The following NKAIN3 variants were observed in gnomAD, a reference collection of about 807,000 sequenced individuals.
NKAIN3 encodes sodium/potassium transporting ATPase interacting 3.
In NKAIN3, 25 loss-of-function variants were observed where a neutral mutation model predicts 30.2. The ratio of observed to expected loss-of-function variants is 0.83; its 90% CI spans 0.60 to 1.16. The LOEUF (loss-of-function observed/expected upper bound fraction) is 1.16. Among genes scored for constraint, NKAIN3 ranks in the 50% most tolerant of loss-of-function variants. The probability of loss-of-function intolerance (pLI) is 0.00; values close to 1 mark genes in which losing one functional copy is unlikely to be tolerated. For synonymous variants in NKAIN3, 91 were observed against 89.6 expected (o/e 1.02, Z -0.09); for missense variants, 225 against 254.1 (o/e 0.89, Z 0.78).
At chr8:62,880,407 C>G (rs1163218206) in intron 4 of NKAIN3, among the ~76,000 whole-genome samples, 3 of 152,156 alleles carry the variant, frequency 2.0e-5, no homozygotes, top group Admixed American at 6.5e-5. Flanking sequence ...CAGTTACCTA[C>G]ACAACAAAAA....
intron 3 of NKAIN3, among the ~76,000 whole-genome samples, chr8:62,635,498 A>G (rs1004268803): frequency 1.4e-4 from 22 of 152,172 alleles, no homozygotes; most frequent in African/African-American, 4.8e-4. Flanking sequence ...GGAACTGCTT[A>G]GGAAAGTGCT....
intron 4 of NKAIN3, among the ~76,000 whole-genome samples, chr8:62,902,599 T>C (rs753792599): frequency 3.9e-5 from 6 of 152,152 alleles, no homozygotes; most frequent in Non-Finnish European, 7.3e-5. Context: ...CAAAAACCAC[T>C]CTCTATCCTC....
At chr8:62,290,742 T>C (rs889432680) in intron 1 of NKAIN3, among the ~76,000 whole-genome samples, 3 of 152,198 alleles carry the variant, frequency 2.0e-5, no homozygotes, top group Non-Finnish European at 4.4e-5. Flanking sequence ...ATCAGGATGA[T>C]ATTGGCCTCG....
Position 62,963,384 on chromosome 8 carries a change from T to G in NKAIN3, c.604-1970T>G, listed in dbSNP as rs531143185. On this transcript the variant is annotated intron_variant, in intron 6 of 6. Transcript: ENST00000623646. ...ACATCATAAGAACAGGCTCAGCCTGTTTCACTGCTTCACCAATCCATGTTG... is the reference window on the plus strand; with the variant it reads ...ACATCATAAGAACAGGCTCAGCCTGGTTCACTGCTTCACCAATCCATGTTG... Among the ~76,000 whole-genome samples, 123 of 152,264 alleles carry G rather than the reference T, an allele frequency of 8.1e-4. 1 individual carries two copies. Among genetic ancestry groups the G allele is most frequent in the African/African-American group, 2.9e-3 (121 of 41,558 alleles).
intron 3 of NKAIN3, among the ~76,000 whole-genome samples, chr8:62,599,177 T>C (rs1475195470): frequency 6.6e-6 from 1 of 152,100 alleles, no homozygotes; most frequent in Non-Finnish European, 1.5e-5. Context: ...AGCCTCCAGA[T>C]ATTCCCTTTC....
chr8:62,741,167 T>G (rs1024150036), intron 3 of NKAIN3, among the ~76,000 whole-genome samples: 1 of 152,176 alleles, frequency 6.6e-6, no homozygotes, highest in Non-Finnish European at 1.5e-5. Context: ...TAGTAGTCTT[T>G]TTTAGGAGAC....
In NKAIN3 at chr8:62,619,945, T is replaced by A. The variant is rs537932591; in HGVS notation, c.273+30151T>A. 5.3e-5 allele frequency among the ~76,000 whole-genome samples: 8 copies of A among 152,316 alleles called. No homozygotes were observed. In the South Asian group the frequency reaches 1.7e-3, roughly 32 times the overall value. On this transcript the variant is annotated intron_variant, in intron 3 of 6. Transcript: ENST00000623646. ...AGGGAGGAAAAATATCTTTTCCTTC[T>A]ACTCATCTTAGGTGCATTGGCTGGG...
chr8:62,806,475 T>G (rs1315668916), intron 4 of NKAIN3, among the ~76,000 whole-genome samples: 1 of 152,156 alleles, frequency 6.6e-6, no homozygotes, highest in Non-Finnish European at 1.5e-5. Flanking sequence ...TATGTAGCCA[T>G]AAAAAATGAT....
chr8:62,987,373 G>A (rs1416512470), downstream of NKAIN3, among the ~76,000 whole-genome samples: 1 of 152,078 alleles, frequency 6.6e-6, no homozygotes, highest in African/African-American at 2.4e-5. Flanking sequence ...AATTCAGGAG[G>A]TGGAGTATAT....
intron 1 of NKAIN3, among the ~76,000 whole-genome samples, chr8:62,347,003 A>G (rs1169852152): frequency 1.1e-4 from 16 of 152,108 alleles, no homozygotes; most frequent in Non-Finnish European, 8.8e-5. Context: ...AGAATAGTGA[A>G]TAAAGGTTTG....
intron 3 of NKAIN3, among the ~76,000 whole-genome samples, chr8:62,632,541 C>A (rs1433715507): frequency 1.3e-5 from 2 of 152,060 alleles, no homozygotes; most frequent in Admixed American, 6.6e-5. Flanking sequence ...CTTGCTCTGT[C>A]ACTCAGGCTG....
chr8:62,467,885 C>T (rs1268061630), intron 1 of NKAIN3, among the ~76,000 whole-genome samples: 1 of 152,128 alleles, frequency 6.6e-6, no homozygotes, highest in Non-Finnish European at 1.5e-5. Flanking sequence ...CCTCCCACCT[C>T]AGCCTCTCAA....
chr8:62,482,881 G>A (rs1203788131), intron 1 of NKAIN3: 1 of 152,214 alleles, frequency 6.6e-6, no homozygotes, highest in Non-Finnish European at 1.5e-5. Context: ...GTTGTTTTTG[G>A]AGAAGGGAGT....
chr8:62,575,909 C>T (rs563714383), intron 1 of NKAIN3, among the ~76,000 whole-genome samples: 4 of 152,204 alleles, frequency 2.6e-5, no homozygotes, highest in Non-Finnish European at 4.4e-5. Context: ...AACTGAGTAT[C>T]CATATGCAGA....
chr8:62,280,696 G>A (rs2129396286), intron 1 of NKAIN3, among the ~76,000 whole-genome samples: 1 of 152,214 alleles, frequency 6.6e-6, no homozygotes, highest in African/African-American at 2.4e-5. Flanking sequence ...TGCATACGTT[G>A]AACCACCCTT....
rs2353392 is a variant in NKAIN3 at position 62,946,915 on chromosome 8, G to A, written c.533-6987G>A. On this transcript the variant is annotated intron_variant, in intron 5 of 6. Coordinates refer to ENST00000623646, the MANE Select transcript of NKAIN3 (RefSeq NM_001304533.3). ...GACGAGGCAGTGTGCAATATAGCTG[G>A]AACAAAACAAAACGCCTACGTTCTG... is the stretch of plus-strand genomic sequence containing the variant. 3.3e-5 allele frequency among the ~76,000 whole-genome samples: 5 copies of A among 152,200 alleles called. No homozygotes were observed. In the South Asian group the frequency reaches 1.0e-3, roughly 32 times the overall value.
chr8:62,685,106 T>G (rs550585422), intron 3 of NKAIN3, among the ~76,000 whole-genome samples: 2 of 152,182 alleles, frequency 1.3e-5, no homozygotes, highest in Non-Finnish European at 2.9e-5. Flanking sequence ...TACAGGCTCT[T>G]ACCTGCAGCA....
chr8:62,751,879 C>T (rs921629189), intron 4 of NKAIN3, among the ~76,000 whole-genome samples: 1 of 151,130 alleles, frequency 6.6e-6, no homozygotes, highest in Non-Finnish European at 1.5e-5. Flanking sequence ...CTCTCCCACT[C>T]ACTCCCTCAG....
intron 4 of NKAIN3, among the ~76,000 whole-genome samples, chr8:62,803,925 A>C (rs1273035271): frequency 6.6e-6 from 1 of 152,208 alleles, no homozygotes; most frequent in Non-Finnish European, 1.5e-5. Flanking sequence ...AAAATGATAA[A>C]GGGGATATCA....
Sources: allele counts gnomAD v4.1 joint callset (sites outside exome capture counted in the v4.1 genomes callset), GRCh38; gene constraint gnomAD v4.1.1; transcripts MANE v1.5; gene names NCBI Gene and HGNC (gene_info 2026-07-23, HGNC 2026-07-21).